Variants in ITGAM observed in about 807,000 individuals in gnomAD.
The protein encoded by ITGAM is integrin subunit alpha M, also known as integrin alpha-M.
A neutral mutation model predicts 137.5 loss-of-function variants in ITGAM; 79 were observed. The observed-to-expected ratio is 0.57, with a 90% CI of 0.48 to 0.69. The LOEUF (loss-of-function observed/expected upper bound fraction) is 0.69. Among genes scored for constraint, ITGAM ranks in the 30% least tolerant of loss-of-function variants. ITGAM has a pLI of 0.00. For missense variants in ITGAM, 1,343 were observed against 1,483.5 expected (o/e 0.91, Z 1.56); for synonymous variants, 583 against 592.3 (o/e 0.98, Z 0.23).
At chr16:31,327,370 C>T (rs76939857) in intron 22 of ITGAM, among the ~76,000 whole-genome samples, 19 of 151,028 alleles carry the variant, frequency 1.3e-4, no homozygotes, top group South Asian at 2.1e-4. Context: ...AACAATTGCT[C>T]GAACCCAGGA....
At position 31,297,497 on chromosome 16, in the gene ITGAM, G is replaced by A. The variant is rs749925365; in HGVS notation, c.1357-17G>A. 7.4e-6 allele frequency: 12 copies of A among 1,611,752 alleles called. No homozygotes were observed. The South Asian group carries it at 7.7e-5, about 10-fold the overall frequency. On this transcript the variant is annotated splice_polypyrimidine_tract_variant and intron_variant, in intron 12 of 29. Coordinates refer to ENST00000544665, the MANE Select transcript of ITGAM (RefSeq NM_000632.4). ...TAGGTGGGAAGAGGTGTGTGATTACGGTCCTGTCTCTTTCAGATCGGCGCC... is the reference window on the plus strand; with the variant it reads ...TAGGTGGGAAGAGGTGTGTGATTACAGTCCTGTCTCTTTCAGATCGGCGCC...
In ITGAM at chr16:31,331,871, GTGTC is replaced by G. The variant is rs369309551; in HGVS notation, c.*168_*171del. On this transcript the variant is annotated 3_prime_UTR_variant, in exon 30 of 30. Transcript: ENST00000544665. ...CAAGTGTGTATGTGCGTGTGTGCAA[GTGTC>G]TGTGTGCAAGTGTGTGCACATGTGT... The G allele has an allele frequency of 2.0e-4, 116 of 588,046 alleles. No individual in the cohort carries two copies. The highest frequency in any genetic ancestry group is 2.4e-4 in the Non-Finnish European group (81 of 334,960). 36.4% of individuals were successfully genotyped at this position (588,046 alleles called of 1,614,324 possible). A position where few individuals can be genotyped will look rare whatever the true frequency, so the allele number is the denominator to read the frequency against.
intron 14 of ITGAM, among the ~76,000 whole-genome samples, chr16:31,311,665 G>A (rs1452316614): frequency 2.0e-5 from 3 of 152,152 alleles, no homozygotes; most frequent in Non-Finnish European, 2.9e-5. Context: ...GGAGAAATAG[G>A]AACACTTTTA....
At chr16:31,301,844 T>C (rs1368172090) in intron 14 of ITGAM, among the ~76,000 whole-genome samples, 1 of 152,230 alleles carries the variant, frequency 6.6e-6, no homozygotes, top group African/African-American at 2.4e-5. Context: ...ACCCATATCA[T>C]GGCTTCAGAA....
intron 12 of ITGAM, among the ~76,000 whole-genome samples, chr16:31,287,923 G>T (rs566166750): frequency 6.6e-6 from 1 of 152,168 alleles, no homozygotes; most frequent in Non-Finnish European, 1.5e-5. Flanking sequence ...CATGAGGAAG[G>T]CTGGCTGGTC....
At position 31,297,519 on chromosome 16, in the gene ITGAM, C is replaced by T. The variant is rs369936883; in HGVS notation, c.1362C>T (p.Gly454=). Residue 454 remains glycine, a synonymous_variant, in exon 13 of 30, where the codon GGC becomes GGT. Transcript: ENST00000544665. ...TACGGTCCTGTCTCTTTCAGATCGG[C>T]GCCTACTTCGGGGCCTCCCTCTGCT... The part of the protein sequence containing the change: ...SNANVKGTQI[G]AYFGASLCSV... 36 of 1,612,006 alleles carry T rather than the reference C, an allele frequency of 2.2e-5. No individual in the cohort carries two copies. In the South Asian group the frequency reaches 3.0e-4, roughly 13 times the overall value.
At chr16:31,265,315 T>C in intron 2 of ITGAM, 80 bp from the exon 3 acceptor site, 2 of 678,518 alleles carry the variant, frequency 2.9e-6, no homozygotes, top group East Asian at 6.6e-5. Flanking sequence ...CCCACCGTCC[T>C]CTGGGTGGCA....
chr16:31,270,234 C>G (rs766884885), intron 5 of ITGAM, among the ~76,000 whole-genome samples: 1 of 146,800 alleles, frequency 6.8e-6, no homozygotes, highest in Non-Finnish European at 1.5e-5. Flanking sequence ...TGCTCTGTGA[C>G]CCAGGCTGGA....
rs749106832 is a variant in ITGAM at position 31,275,679 on chromosome 16, A to G, written c.989A>G (p.Glu330Gly). 8.1e-6 allele frequency: 13 copies of G among 1,613,720 alleles called. No individual in the cohort carries two copies. Among genetic ancestry groups the G allele is most frequent in the Non-Finnish European group, 1.1e-5 (13 of 1,179,798 alleles). ...ALKTIQNQLR[E>G]KIFAIEGTQT... ...AAGACCATTCAGAACCAGCTTCGGG[A>G]GAAGATCTTTGCGATCGAGGGTGAG... Residue 330 changes from glutamate (E) to glycine (G), a missense_variant, in exon 9 of 30, where the codon GAG becomes GGG. By Grantham distance (98) the Glu-to-Gly change is moderately conservative. Transcript: ENST00000544665.
intron 16 of ITGAM, among the ~76,000 whole-genome samples, chr16:31,323,020 AGTG>A (rs2080466069): frequency 6.6e-6 from 1 of 152,122 alleles, no homozygotes; most frequent in South Asian, 2.1e-4. Flanking sequence ...AATTACAGAA[AGTG>A]GTGGTGGGGG....
At position 31,276,521 on chromosome 16, in the gene ITGAM, G is replaced by A. The variant is rs2079907590; in HGVS notation, c.1010-150G>A. ...TAATTTTTGTATTTTTAGTAGAGAC[G>A]GGGTTTCACCATGTTCACCAGACTG... On this transcript the variant is annotated intron_variant, in intron 9 of 29. Transcript: ENST00000544665. The A allele has an allele frequency of 8.4e-6, 5 of 595,116 alleles. No individual in the cohort carries two copies. The Admixed American group carries it at 8.8e-5, about 11-fold the overall frequency. The allele number at this position is 595,116 out of a possible 1,614,324, so 36.9% of individuals were successfully genotyped here.
At chr16:31,275,956 G>A (rs1462261904) in intron 9 of ITGAM, among the ~76,000 whole-genome samples, 1 of 152,122 alleles carries the variant, frequency 6.6e-6, no homozygotes. Context: ...ATCCCACCCA[G>A]TATTTTAACA....
In ITGAM at chr16:31,312,260, G is replaced by T. The variant is rs144796366; in HGVS notation, c.1708-8981G>T. 8.4e-3 allele frequency among the ~76,000 whole-genome samples: 1,278 copies of T among 151,948 alleles called. 14 individuals are homozygous for T. The highest frequency in any genetic ancestry group is 0.029 in the African/African-American group (1,209 of 41,438). ...TGTAACAAACCTGCACGTTGTGCATGTGTACCCTAAAACTTAAAGTATTAT... is the reference window on the plus strand; with the variant it reads ...TGTAACAAACCTGCACGTTGTGCATTTGTACCCTAAAACTTAAAGTATTAT... On this transcript the variant is annotated intron_variant, in intron 14 of 29. Transcript: ENST00000544665.
At chr16:31,328,106 C>G (rs1205649823) in intron 22 of ITGAM, 41 bp from the exon 23 acceptor site, 1 of 1,473,078 alleles carries the variant, frequency 6.8e-7, no homozygotes, top group African/African-American at 1.4e-5. Context: ...GACTAACTGT[C>G]AGTTCTCAAG....
intron 29 of ITGAM, 138 bp downstream of exon 29, chr16:31,331,413 T>C: frequency 2.9e-6 from 2 of 682,702 alleles, no homozygotes; most frequent in Non-Finnish European, 5.1e-6. Context: ...CCTCAGTCTC[T>C]TAGGGAGGGT....
chr16:31,292,979 T>G (rs1310919512), intron 12 of ITGAM, among the ~76,000 whole-genome samples: 4 of 152,222 alleles, frequency 2.6e-5, no homozygotes, highest in Non-Finnish European at 5.9e-5. Flanking sequence ...GGTATCTCAT[T>G]GTGGTTTTGA....
Position 31,297,732 on chromosome 16 carries a change from T to C in ITGAM, c.1498-13T>C, listed in dbSNP as rs1309797126. 2 of 1,595,908 alleles carry C rather than the reference T, an allele frequency of 1.3e-6. No homozygotes were observed. Among genetic ancestry groups the C allele is most frequent in the Middle Eastern group, 1.7e-4 (1 of 5,930 alleles). On this transcript the variant is annotated splice_polypyrimidine_tract_variant and intron_variant, in intron 13 of 29. Transcript: ENST00000544665. The stretch of plus-strand genomic sequence containing the variant: ...CGCCTGGGTTGGGGCCTGATACTGT[T>C]TGTGTTTAGCAGAGGGCTCGGTGGC...
intron 12 of ITGAM, among the ~76,000 whole-genome samples, chr16:31,289,928 A>C (rs1357120614): frequency 1.3e-5 from 2 of 151,888 alleles, no homozygotes; most frequent in African/African-American, 4.8e-5. Context: ...CTAAAAATAC[A>C]AAATTAGCCA....
At chr16:31,321,193 C>T (rs771439925) in intron 14 of ITGAM, 48 bp from the exon 15 acceptor site, 1 of 1,607,002 alleles carries the variant, frequency 6.2e-7, no homozygotes, top group Admixed American at 1.7e-5. Flanking sequence ...TATACATCTC[C>T]TGTCTTTCCT....
Sources: gnomAD v4.1 joint callset for allele counts (sites outside exome capture counted in the v4.1 genomes callset) on GRCh38, gnomAD v4.1.1 for gene constraint, MANE v1.5 for transcripts, NCBI Gene and HGNC (gene_info 2026-07-23, HGNC 2026-07-21) for gene names.